ABL2: variants seen among roughly 807,000 people sequenced by gnomAD.
ABL2 encodes the protein tyrosine-protein kinase ABL2.
A neutral mutation model predicts 107.7 loss-of-function variants in ABL2; 49 were observed. That is an observed-to-expected ratio of 0.45 (90% CI 0.36 to 0.58). The LOEUF (loss-of-function observed/expected upper bound fraction) is 0.58, where lower values mean the gene tolerates loss of function less well. ABL2 is among the 20% of genes least tolerant of loss of function. The probability of loss-of-function intolerance (pLI) is 0.00; values close to 1 mark genes in which losing one functional copy is unlikely to be tolerated. For synonymous variants in ABL2, 549 were observed against 548.6 expected, an observed-to-expected ratio of 1.00 and a Z score of -0.01; for missense variants, 1,245 against 1,457.0, an observed-to-expected ratio of 0.85 and a Z score of 2.37.
At chr1:179,185,339 TCTC>T (rs1377402416) in intron 1 of ABL2, among the ~76,000 whole-genome samples, 1 of 152,116 alleles carries the variant, frequency 6.6e-6, no homozygotes, top group Admixed American at 6.6e-5. Flanking sequence ...AAATAAATTC[TCTC>T]CTAATGATGA....
At chr1:179,169,552 TAA>T (rs372552806) in intron 1 of ABL2, among the ~76,000 whole-genome samples, 5 of 123,214 alleles carry the variant, frequency 4.1e-5, no homozygotes, top group Non-Finnish European at 3.5e-5. Context: ...CATCTCAAAA[TAA>T]AAAAAAAAAA....
intron 11 of ABL2, 41 bp downstream of exon 11, chr1:179,110,240 AG>A: frequency 6.2e-7 from 1 of 1,610,242 alleles, no homozygotes; most frequent in Non-Finnish European, 8.5e-7. Context: ...TCTTTAAACA[AG>A]GCAGTTTCTA....
At chr1:179,122,243 A>C (rs1215727209) in intron 4 of ABL2, among the ~76,000 whole-genome samples, 3 of 146,804 alleles carry the variant, frequency 2.0e-5, no homozygotes, top group African/African-American at 7.6e-5. Context: ...CCCATATTTC[A>C]CTGGCCTGAA....
intron 10 of ABL2, chr1:179,110,767 A>G (rs1327678191): frequency 1.2e-6 from 2 of 1,613,778 alleles, no homozygotes; most frequent in Non-Finnish European, 1.7e-6. Flanking sequence ...GTTACTATGA[A>G]TACGTTGCTA....
At chr1:179,161,393 AATG>A (rs1240465703) in intron 1 of ABL2, among the ~76,000 whole-genome samples, 1 of 152,008 alleles carries the variant, frequency 6.6e-6, no homozygotes, top group Admixed American at 6.6e-5. Context: ...TTAAAAACTA[AATG>A]ATACCATGCA....
At chr1:179,125,738 A>C (rs1049731597) in intron 4 of ABL2, among the ~76,000 whole-genome samples, 3 of 152,216 alleles carry the variant, frequency 2.0e-5, no homozygotes, top group Admixed American at 1.3e-4. Context: ...GCTTGCTCCA[A>C]AGCCTGTGCT....
intron 4 of ABL2, among the ~76,000 whole-genome samples, chr1:179,122,276 T>TAAAA (rs34338293): frequency 7.9e-6 from 1 of 126,800 alleles, no homozygotes; most frequent in African/African-American, 3.0e-5. Flanking sequence ...AGGCTATCTT[T>TAAAA]AAAAAAAAAA....
chr1:179,114,297 T>C (rs557803034), intron 9 of ABL2, among the ~76,000 whole-genome samples: 2 of 151,290 alleles, frequency 1.3e-5, no homozygotes, highest in East Asian at 3.9e-4. Flanking sequence ...TGGTTCCAGC[T>C]ACTGAGGGGC....
intron 1 of ABL2, among the ~76,000 whole-genome samples, chr1:179,136,353 T>G (rs1656976367): frequency 6.6e-6 from 1 of 152,074 alleles, no homozygotes. Context: ...CTTTTCATTT[T>G]GTTCTGTACT....
chr1:179,186,066 G>A (rs1283804841), intron 1 of ABL2, among the ~76,000 whole-genome samples: 1 of 151,954 alleles, frequency 6.6e-6, no homozygotes, highest in Non-Finnish European at 1.5e-5. Context: ...ACAACATGAC[G>A]AAACCCTGTC....
intron 9 of ABL2, 126 bp downstream of exon 9, chr1:179,114,752 A>C (rs1287572524): frequency 2.0e-6 from 2 of 984,134 alleles, no homozygotes; most frequent in Non-Finnish European, 2.8e-6. Flanking sequence ...TCAATGATAA[A>C]CTCTTTAAAT....
chr1:179,116,739 A>AC (rs1654670323), intron 8 of ABL2: 1 of 153,592 alleles, frequency 6.5e-6, no homozygotes, highest in Admixed American at 6.4e-5. Flanking sequence ...CAAACTCCTG[A>AC]CCTCAGGTTG....
chr1:179,215,006 G>A (rs547454922), intron 1 of ABL2, among the ~76,000 whole-genome samples: 7 of 151,838 alleles, frequency 4.6e-5, no homozygotes, highest in South Asian at 4.2e-4. Context: ...CTAAAAATAC[G>A]AAAATTAGCC....
At chr1:179,200,038 CCTTTTTT>C (rs555544804) in intron 1 of ABL2, among the ~76,000 whole-genome samples, 12,192 of 118,848 alleles carry the variant, frequency 0.1, 568 homozygotes, top group Middle Eastern at 0.12. Flanking sequence ...GCCCCCAATG[CCTTTTTT>C]TTTTTTTTTT....
At position 179,126,729 on chromosome 1, in the gene ABL2, G is replaced by T; in HGVS notation, c.392-57C>A. On this transcript the variant is annotated intron_variant, in intron 3 of 11. Coordinates refer to ENST00000502732, the MANE Select transcript of ABL2 (RefSeq NM_007314.4). The surrounding 1 kb of genome is among the most constrained non-coding windows in gnomAD (Gnocchi z 4.4). ...ACGATGTTAAGACTTTATTTCAACT[G>T]AAGCAGTGTACTGTCAAACTTTAAA... 6.8e-7 allele frequency: 1 copy of T among 1,468,018 alleles called. No individual in the cohort carries two copies. The highest frequency in any genetic ancestry group is 9.3e-7 in the Non-Finnish European group (1 of 1,075,516). 90.9% of individuals were successfully genotyped at this position (1,468,018 alleles called of 1,614,324 possible).
At chr1:179,210,870 TAAATAA>T (rs1162606604) in intron 1 of ABL2, among the ~76,000 whole-genome samples, 4 of 151,178 alleles carry the variant, frequency 2.6e-5, no homozygotes, top group Admixed American at 6.6e-5. Context: ...ATAATAATAA[TAAATAA>T]AAATAAAAAT....
intron 1 of ABL2, among the ~76,000 whole-genome samples, chr1:179,207,234 T>C (rs967271412): frequency 6.6e-6 from 1 of 152,034 alleles, no homozygotes; most frequent in African/African-American, 2.4e-5. Flanking sequence ...GAAGGTATTT[T>C]AGGATCATTT....
intron 1 of ABL2, among the ~76,000 whole-genome samples, chr1:179,143,457 T>C (rs1657767187): frequency 6.6e-6 from 1 of 152,126 alleles, no homozygotes; most frequent in Admixed American, 6.5e-5. Flanking sequence ...AAACACGAAA[T>C]ACACTTTTAA....
At chr1:179,139,704 G>C (rs910213234) in intron 1 of ABL2, among the ~76,000 whole-genome samples, 8 of 152,134 alleles carry the variant, frequency 5.3e-5, no homozygotes, top group African/African-American at 1.9e-4. Flanking sequence ...GTTAGGAACT[G>C]GGCCACACAG....
Sources: gnomAD v4.1 joint callset for allele counts (sites outside exome capture counted in the v4.1 genomes callset) on GRCh38, gnomAD v4.1.1 for gene constraint, Gnocchi (gnomAD v3.1) non-coding constraint, MANE v1.5 for transcripts, NCBI Gene and HGNC (gene_info 2026-07-23, HGNC 2026-07-21) for gene names.